The following ITPR3 variants were observed in gnomAD, a reference collection of about 807,000 sequenced individuals.
ITPR3 encodes inositol 1,4,5-trisphosphate-gated calcium channel ITPR3.
In ITPR3, 173 loss-of-function variants were observed where a neutral mutation model predicts 293.2. The observed-to-expected ratio is 0.59, with a 90% CI of 0.52 to 0.67. The LOEUF is 0.67. ITPR3 is among the 30% of genes least tolerant of loss of function. The probability of loss-of-function intolerance (pLI) is 0.00; values close to 1 mark genes in which losing one functional copy is unlikely to be tolerated. For synonymous variants in ITPR3, 1,295 were observed against 1,444.4 expected (o/e 0.90, Z 2.35); for missense variants, 2,796 against 3,592.1 (o/e 0.78, Z 5.66).
rs763685800 is a variant in ITPR3, at chr6:33,692,923, C to G, written c.7624+30C>G. 1 of 1,608,444 alleles carries G rather than the reference C, an allele frequency of 6.2e-7. No homozygotes were observed. On this transcript the variant is annotated intron_variant, in intron 55 of 57. Transcript: ENST00000605930. The surrounding 1 kb of genome is among the most constrained non-coding windows in gnomAD (Gnocchi z 4.2). The stretch of plus-strand genomic sequence containing the variant: ...GGGCTGCTTCCTGCTCTGTGGAGGC[C>G]GCAGCGGGGCTGGAACGTCATCTGA...
intron 29 of ITPR3, 44 bp downstream of exon 29, chr6:33,678,587 G>A (rs1764976259): frequency 6.4e-7 from 1 of 1,565,206 alleles, no homozygotes; most frequent in African/African-American, 1.3e-5. Flanking sequence ...GCGGGGGATG[G>A]GGGGTGGGGG....
rs1215759679 is a variant in ITPR3 at position 33,696,071 on chromosome 6, CAAT to C, written c.*294_*296del. The stretch of plus-strand genomic sequence containing the variant: ...ACCTAGAGACCTTTGTTCCTTAAAG[CAAT>C]AACTGACAACTCTTTGTAGTCCTCC... On this transcript the variant is annotated 3_prime_UTR_variant, in exon 58 of 58. Coordinates refer to ENST00000605930, the MANE Select transcript of ITPR3 (RefSeq NM_002224.4). 1 of 409,790 alleles carries C rather than the reference CAAT, an allele frequency of 2.4e-6. No homozygotes were observed. The highest frequency in any genetic ancestry group is 4.4e-6 in the Non-Finnish European group (1 of 225,374). 25.4% of individuals were successfully genotyped at this position (409,790 alleles called of 1,614,324 possible).
intron 43 of ITPR3, 112 bp downstream of exon 43, chr6:33,686,631 TTG>T (rs1765239810): frequency 1.2e-6 from 1 of 824,706 alleles, no homozygotes; most frequent in Non-Finnish European, 2.1e-6. Context: ...GGTGTTAGCA[TTG>T]TGTGATGGGG....
At chr6:33,676,740 A>G (rs1210801657) in intron 25 of ITPR3, 28 bp from the exon 26 acceptor site, 5 of 1,611,920 alleles carry the variant, frequency 3.1e-6, no homozygotes, top group Non-Finnish European at 4.2e-6. Flanking sequence ...AGCCCATCTC[A>G]CCAGCCAGGC....
At chr6:33,676,001 G>A (rs1764897635) in intron 25 of ITPR3, 145 bp downstream of exon 25, 1 of 966,884 alleles carries the variant, frequency 1.0e-6, no homozygotes, top group East Asian at 2.8e-5. Flanking sequence ...GTTCCTAGGT[G>A]AAGACTGAGT....
rs755450124 is a variant in ITPR3, at chr6:33,664,990, G to T, written c.1248+21G>T. On this transcript the variant is annotated intron_variant, in intron 12 of 57. Coordinates refer to ENST00000605930, the MANE Select transcript of ITPR3 (RefSeq NM_002224.4). The surrounding 1 kb of genome is among the most constrained non-coding windows in gnomAD (Gnocchi z 4.4). The stretch of plus-strand genomic sequence containing the variant: ...TCATGGTGCGTGTCCCTGGGGTGGG[G>T]GTGGGGCTGGGGCCAGGGCCGGAGC... The T allele has an allele frequency of 6.2e-7, 1 of 1,613,248 alleles. No individual in the cohort carries two copies. The highest frequency in any genetic ancestry group is 8.5e-7 in the Non-Finnish European group (1 of 1,179,738).
rs2127257864 is a variant in ITPR3 at position 33,655,757 on chromosome 6, C to G, written c.161-9C>G. ...TCATTCCCCTCACCCCCAACCTGCC[C>G]CACCACAGACTGCCTCTTCAAGGTG... is the stretch of plus-strand genomic sequence containing the variant. On this transcript the variant is annotated splice_polypyrimidine_tract_variant and intron_variant, in intron 2 of 57. Coordinates refer to ENST00000605930, the MANE Select transcript of ITPR3 (RefSeq NM_002224.4). The surrounding 1 kb of genome is among the most constrained non-coding windows in gnomAD (Gnocchi z 4.9). 6.2e-7 allele frequency: 1 copy of G among 1,614,016 alleles called. No homozygotes were observed. The highest frequency in any genetic ancestry group is 8.5e-7 in the Non-Finnish European group (1 of 1,179,964).
chr6:33,670,689 C>A lies in ITPR3; in HGVS notation c.2460C>A (p.Asn820Lys). Residue 820 changes from asparagine (N) to lysine (K), a missense_variant, in exon 20 of 58, where the codon AAC becomes AAA. By Grantham distance (94) the Asn-to-Lys change is moderately conservative (BLOSUM62 0). Transcript: ENST00000605930. This position sits in a 1 kb window ranked among gnomAD's most constrained non-coding sequence, Gnocchi z 6.7. The part of the protein sequence containing the change: ...ITIKDYDSNL[N>K]ASRDDKKNKF... ...CCCTCAGCTATGATTCCAACCTCAA[C>A]GCGTCCCGAGATGACAAGAAGAACA... is the stretch of plus-strand genomic sequence containing the variant. 6.2e-7 allele frequency: 1 copy of A among 1,614,148 alleles called. No homozygotes were observed. The highest frequency in any genetic ancestry group is 1.1e-5 in the South Asian group (1 of 91,078).
chr6:33,672,116 C>G lies in ITPR3; in HGVS notation c.2816C>G (p.Pro939Arg). Reference sequence around the variant, plus strand: ...CGCAAGCAGTCCGTCTTCAGTGCCCCCAGCCTGTCTGCTGGGGCCAGTGCT... The same window carrying G: ...CGCAAGCAGTCCGTCTTCAGTGCCCGCAGCCTGTCTGCTGGGGCCAGTGCT... ...LSRKQSVFSA[P>R]SLSAGASAAE... is the part of the protein sequence containing the mutation. The change falls in exon 22 of 58, where the codon CCC becomes CGC. Residue 939 changes from proline (P) to arginine (R), a missense_variant. Pro to Arg is a moderately radical substitution (Grantham distance 103). This residue lies in a region of ITPR3 where 955 missense variants were observed against 1,180.8 expected (regional missense o/e 0.81). Transcript: ENST00000605930. This position sits in a 1 kb window ranked among gnomAD's most constrained non-coding sequence, Gnocchi z 5.0. The G allele has an allele frequency of 6.2e-7, 1 of 1,613,934 alleles. No individual in the cohort carries two copies. The highest frequency in any genetic ancestry group is 8.5e-7 in the Non-Finnish European group (1 of 1,179,966).
At chr6:33,678,597 G>GTGGGGGGGGGGT in intron 29 of ITPR3, 42 bp from the exon 30 acceptor site, 1 of 1,570,072 alleles carries the variant, frequency 6.4e-7, no homozygotes, top group Non-Finnish European at 8.7e-7. Context: ...GGGGGTGGGG[G>GTGGGGGGGGGGT]CGGGGCCCAG....
chr6:33,623,822 G>A (rs886414850), intron 1 of ITPR3, among the ~76,000 whole-genome samples: 1 of 152,120 alleles, frequency 6.6e-6, no homozygotes, highest in Non-Finnish European at 1.5e-5. Flanking sequence ...GCCCTTCTAC[G>A]CCGGGGTACC....
chr6:33,657,885 G>A, intron 3 of ITPR3, 47 bp from the exon 4 acceptor site: 1 of 1,550,952 alleles, frequency 6.4e-7, no homozygotes, highest in Non-Finnish European at 8.9e-7. Flanking sequence ...TCTTCCTCTA[G>A]GAGCAGCTTC....
At position 33,665,820 on chromosome 6, in the gene ITPR3, G is replaced by C. The variant is rs755810368; in HGVS notation, c.1410-15G>C. ...GGGTATCTCACACTCGTCATCCCCGGGTCCCCTCACCCAGGTTTGTCATCC... is the reference window on the plus strand; with the variant it reads ...GGGTATCTCACACTCGTCATCCCCGCGTCCCCTCACCCAGGTTTGTCATCC... On this transcript the variant is annotated splice_polypyrimidine_tract_variant and intron_variant, in intron 13 of 57. Transcript: ENST00000605930. 3 of 1,613,470 alleles carry C rather than the reference G, an allele frequency of 1.9e-6. No homozygotes were observed. The highest frequency in any genetic ancestry group is 1.7e-6 in the Non-Finnish European group (2 of 1,179,502).
Position 33,621,404 on chromosome 6 carries a change from C to G in ITPR3, c.-199C>G. The G allele has an allele frequency of 2.8e-6, 1 of 361,000 alleles. No individual in the cohort carries two copies. The highest frequency in any genetic ancestry group is 5.0e-6 in the Non-Finnish European group (1 of 201,240). The allele number at this position is 361,000 out of a possible 1,614,324, so 22.4% of individuals were successfully genotyped here. ...GGCGGGCGCGCCAAGACGTGGGCAC[C>G]TCCTCACCCGGACCCCGGGCCCCGC... On this transcript the variant is annotated 5_prime_UTR_variant, in exon 1 of 58. Coordinates refer to ENST00000605930, the MANE Select transcript of ITPR3 (RefSeq NM_002224.4). This position sits in a 1 kb window ranked among gnomAD's most constrained non-coding sequence, Gnocchi z 7.7.
chr6:33,667,426 G>C lies in ITPR3; in HGVS notation c.1713+136G>C. 1.7e-6 allele frequency: 2 copies of C among 1,197,838 alleles called. No individual in the cohort carries two copies. The highest frequency in any genetic ancestry group is 2.3e-6 in the Non-Finnish European group (2 of 876,636). 74.2% of individuals were successfully genotyped at this position (1,197,838 alleles called of 1,614,324 possible). On this transcript the variant is annotated intron_variant, in intron 15 of 57. Transcript: ENST00000605930. The surrounding 1 kb of genome is among the most constrained non-coding windows in gnomAD (Gnocchi z 4.4). ...GTAGGGCACCAGACAGCAGGGCCGG[G>C]TTCATGGGAATGGGACCTGGCCCGG...
chr6:33,688,614 C>A, intron 48 of ITPR3, 42 bp from the exon 49 acceptor site: 1 of 1,611,502 alleles, frequency 6.2e-7, no homozygotes. Context: ...AGGGGGTGCT[C>A]ACCAGGGCCC....
Position 33,683,406 on chromosome 6 carries a change from G to T in ITPR3, c.4788+9G>T. 2 of 1,525,170 alleles carry T rather than the reference G, an allele frequency of 1.3e-6. No homozygotes were observed. Among genetic ancestry groups the T allele is most frequent in the Non-Finnish European group, 8.9e-7 (1 of 1,129,038 alleles). 94.5% of individuals were successfully genotyped at this position (1,525,170 alleles called of 1,614,324 possible). On this transcript the variant is annotated intron_variant, in intron 35 of 57. Transcript: ENST00000605930. This position sits in a 1 kb window ranked among gnomAD's most constrained non-coding sequence, Gnocchi z 4.5. ...TCATTGAGAAGCTGCAGGTGGGTGT[G>T]GGGCTGCCTGGCATCTGCCTCGGGA...
intron 21 of ITPR3, 125 bp downstream of exon 21, chr6:33,671,431 A>G (rs1764763091): frequency 1.4e-6 from 1 of 698,898 alleles, no homozygotes; most frequent in Non-Finnish European, 2.4e-6. Context: ...CTCTGCCTCA[A>G]GGGGATATCT....
At position 33,669,113 on chromosome 6, in the gene ITPR3, C is replaced by T. The variant is rs140973588; in HGVS notation, c.2146C>T (p.Arg716Trp). ...TGTGAGGCAGCTGGCCCAGGAGGCG[C>T]GGGCCGGCAACGCCCACGACGAGAA... ...KSVRQLAQEARAGNAHDENVL... is the reference protein window; with the variant it reads ...KSVRQLAQEAWAGNAHDENVL... The change falls in exon 18 of 58, where the codon CGG becomes TGG. Residue 716 changes from arginine to tryptophan, a missense_variant. Physicochemically the swap from Arg to Trp is moderately radical, Grantham distance 101. Coordinates refer to ENST00000605930, the MANE Select transcript of ITPR3 (RefSeq NM_002224.4). 34 of 1,614,076 alleles carry T rather than the reference C, an allele frequency of 2.1e-5. No homozygotes were observed. In the Admixed American group the frequency reaches 2.8e-4, roughly 13 times the overall value.
Sources: gnomAD v4.1 joint callset for allele counts (sites outside exome capture counted in the v4.1 genomes callset) on GRCh38, gnomAD v4.1.1 for gene constraint, gnomAD v4.1.1 regional missense constraint, Gnocchi (gnomAD v3.1) non-coding constraint, MANE v1.5 for transcripts, NCBI Gene and HGNC (gene_info 2026-07-23, HGNC 2026-07-21) for gene names.